The following ADK variants were observed in gnomAD, a reference collection of about 807,000 sequenced individuals.
ADK encodes the protein adenosine kinase.
A neutral mutation model predicts 44.7 loss-of-function variants in ADK; 24 were observed. That is an observed-to-expected ratio of 0.54 (90% CI 0.39 to 0.76). ADK has a LOEUF of 0.76. Ranked by LOEUF, ADK falls within the 30% of genes least tolerant of loss-of-function variation. ADK has a pLI of 0.00. For missense variants in ADK, 321 were observed against 425.1 expected (o/e 0.76, Z 2.15); for synonymous variants, 128 against 142.6 (o/e 0.90, Z 0.73).
chr10:74,218,505 G>C (rs1844157368), intron 2 of ADK, among the ~76,000 whole-genome samples: 1 of 152,138 alleles, frequency 6.6e-6, no homozygotes, highest in Admixed American at 6.5e-5. Context: ...TCAGATTCAG[G>C]AAATACAGAG....
At position 74,236,032 on chromosome 10, in the gene ADK, T is replaced by G. The variant is rs193173499; in HGVS notation, c.194+11441T>G. On this transcript the variant is annotated intron_variant, in intron 3 of 10. Coordinates refer to ENST00000539909, the MANE Select transcript of ADK (RefSeq NM_006721.4). ...TCAGAACTGAGAAACATATTAATGTTTCTTTCCTTTATAAATTACCCAATC... is the reference window on the plus strand; with the variant it reads ...TCAGAACTGAGAAACATATTAATGTGTCTTTCCTTTATAAATTACCCAATC... Among the ~76,000 whole-genome samples, 633 of 152,338 alleles carry G rather than the reference T, an allele frequency of 4.2e-3. 5 individuals are homozygous for G. The highest frequency in any genetic ancestry group is 0.014 in the African/African-American group (602 of 41,572).
rs1225150992 is a variant in ADK at position 74,278,353 on chromosome 10, C to CA, written c.195-36303dup. Among the ~76,000 whole-genome samples, 90 of 61,428 alleles carry CA rather than the reference C, an allele frequency of 1.5e-3. 1 individual carries two copies. The highest frequency in any genetic ancestry group is 0.012 in the South Asian group (20 of 1,692). 40.3% of individuals were successfully genotyped at this position (61,428 alleles called of 152,430 possible). ...TGGGTGACAGAGTGAGACCCCATCT[C>CA]AAAAAAAAAAATTAAAAAAAAAAAA... is the stretch of plus-strand genomic sequence containing the variant. On this transcript the variant is annotated intron_variant, in intron 3 of 10. Transcript: ENST00000539909.
chr10:74,624,315 G>C (rs1289268099), intron 9 of ADK, among the ~76,000 whole-genome samples: 1 of 150,244 alleles, frequency 6.7e-6, no homozygotes, highest in Non-Finnish European at 1.5e-5. Context: ...CAGAAAATTT[G>C]TTTAGCTTTT....
intron 9 of ADK, among the ~76,000 whole-genome samples, chr10:74,622,669 C>T (rs1853037146): frequency 6.6e-6 from 1 of 152,084 alleles, no homozygotes; most frequent in Non-Finnish European, 1.5e-5. Context: ...TGGATTAGGT[C>T]ACTTTCCCAA....
At chr10:74,584,266 C>A (rs183108048) in intron 7 of ADK, among the ~76,000 whole-genome samples, 13 of 152,222 alleles carry the variant, frequency 8.5e-5, no homozygotes, top group African/African-American at 2.4e-4. Context: ...ATTCAATAGG[C>A]AAAATGATTT....
At chr10:74,459,042 G>T (rs917575548) in intron 6 of ADK, among the ~76,000 whole-genome samples, 3 of 152,092 alleles carry the variant, frequency 2.0e-5, no homozygotes, top group Admixed American at 2.0e-4. Flanking sequence ...CACTTTGGAG[G>T]CTGAGGCGGG....
At chr10:74,566,199 C>CTT (rs1850661626) in intron 7 of ADK, among the ~76,000 whole-genome samples, 4 of 141,192 alleles carry the variant, frequency 2.8e-5, no homozygotes, top group African/African-American at 8.7e-5. Flanking sequence ...TTCTCTCTCT[C>CTT]TCTTTTTTTT....
chr10:74,661,071 A>G (rs533084073), intron 9 of ADK, among the ~76,000 whole-genome samples: 1 of 152,106 alleles, frequency 6.6e-6, no homozygotes, highest in Non-Finnish European at 1.5e-5. Flanking sequence ...TAATCTGATT[A>G]CCAGATTGTA....
In ADK at chr10:74,371,678, C is replaced by T. The variant is rs895798611; in HGVS notation, c.274-22463C>T. On this transcript the variant is annotated intron_variant, in intron 4 of 10. Coordinates refer to ENST00000539909, the MANE Select transcript of ADK (RefSeq NM_006721.4). ...TAAGGAAAAGTGATGGCATCCACAT[C>T]GTAAATCTGAAGAGGACCTGGGAGA... 2.4e-5 allele frequency: 26 copies of T among 1,100,450 alleles called. No homozygotes were observed. The African/African-American group carries it at 2.9e-4, about 12-fold the overall frequency. 68.2% of individuals were successfully genotyped at this position (1,100,450 alleles called of 1,614,324 possible).
rs151239805 is a variant in ADK, at chr10:74,228,198, G to T, written c.194+3607G>T. Among the ~76,000 whole-genome samples, 3 of 152,296 alleles carry T rather than the reference G, an allele frequency of 2.0e-5. No individual in the cohort carries two copies. In the East Asian group the frequency reaches 5.8e-4, roughly 29 times the overall value. The stretch of plus-strand genomic sequence containing the variant: ...TTGTTTCTCTGTCTGAGGAAGATTG[G>T]CATGGGAAAACAGGGAAATATTGGT... On this transcript the variant is annotated intron_variant, in intron 3 of 10. Coordinates refer to ENST00000539909, the MANE Select transcript of ADK (RefSeq NM_006721.4).
At chr10:74,393,891 T>A (rs1843420773) in intron 4 of ADK, among the ~76,000 whole-genome samples, 1 of 152,220 alleles carries the variant, frequency 6.6e-6, no homozygotes, top group African/African-American at 2.4e-5. Context: ...TTAAGGTCTG[T>A]ATGATTTTAG....
At chr10:74,258,124 T>G (rs1845895685) in intron 3 of ADK, among the ~76,000 whole-genome samples, 1 of 152,214 alleles carries the variant, frequency 6.6e-6, no homozygotes, top group East Asian at 1.9e-4. Context: ...GAATACCTTT[T>G]TAAAGGAGTT....
chr10:74,197,955 C>T (rs1397351048), intron 1 of ADK, among the ~76,000 whole-genome samples: 1 of 151,954 alleles, frequency 6.6e-6, no homozygotes, highest in Non-Finnish European at 1.5e-5. Context: ...GATGTGGGGG[C>T]AGGAGGATAC....
chr10:74,188,254 G>T (rs1282004081), intron 1 of ADK, among the ~76,000 whole-genome samples: 5 of 150,960 alleles, frequency 3.3e-5, no homozygotes, highest in Admixed American at 3.3e-4. Context: ...TTGAATTTTT[G>T]GATCAGTTTT....
chr10:74,468,388 C>G (rs1249203604), intron 6 of ADK, among the ~76,000 whole-genome samples: 1 of 152,094 alleles, frequency 6.6e-6, no homozygotes, highest in Non-Finnish European at 1.5e-5. Context: ...GTCTAGTGAT[C>G]CTTTCAGATA....
At chr10:74,560,341 A>G (rs1850412872) in intron 7 of ADK, among the ~76,000 whole-genome samples, 1 of 152,170 alleles carries the variant, frequency 6.6e-6, no homozygotes, top group Admixed American at 6.5e-5. Context: ...GTAATATCAG[A>G]TGATGTGTTT....
intron 9 of ADK, among the ~76,000 whole-genome samples, chr10:74,622,725 C>T (rs200316153): frequency 3.5e-4 from 53 of 152,156 alleles, no homozygotes; most frequent in African/African-American, 1.2e-3. Context: ...AACCCAGCCT[C>T]GGCCTGGTGC....
At chr10:74,694,528 T>C (rs150734828) in intron 10 of ADK, among the ~76,000 whole-genome samples, 109 of 152,336 alleles carry the variant, frequency 7.2e-4, no homozygotes, top group African/African-American at 2.5e-3. Context: ...TAGTCCAGGC[T>C]AGAGTACAGT....
chr10:74,451,767 A>G (rs1475458585), intron 6 of ADK, among the ~76,000 whole-genome samples: 1 of 152,164 alleles, frequency 6.6e-6, no homozygotes, highest in Non-Finnish European at 1.5e-5. Context: ...AAAGAAGTAA[A>G]TGATAGAACA....
Sources: allele counts gnomAD v4.1 joint callset (sites outside exome capture counted in the v4.1 genomes callset), GRCh38; gene constraint gnomAD v4.1.1; transcripts MANE v1.5; gene names NCBI Gene and HGNC (gene_info 2026-07-23, HGNC 2026-07-21).